FAXC: variants seen among roughly 807,000 people sequenced by gnomAD.
The protein encoded by FAXC is failed axon connections homolog.
Under a neutral mutation model 41.9 loss-of-function variants are expected in FAXC, and 10 were observed. The observed-to-expected ratio is 0.24, with a 90% CI of 0.15 to 0.41. The LOEUF (loss-of-function observed/expected upper bound fraction) is 0.41. Among genes scored for constraint, FAXC ranks in the 10% least tolerant of loss-of-function variants. FAXC has a pLI of 1.00. For missense variants in FAXC, 399 were observed against 510.9 expected, an observed-to-expected ratio of 0.78 and a Z score of 2.11; for synonymous variants, 183 against 183.8, an observed-to-expected ratio of 1.00 and a Z score of 0.03.
At chr6:99,347,230 T>C (rs760511476) in intron 1 of FAXC, among the ~76,000 whole-genome samples, 1 of 151,912 alleles carries the variant, frequency 6.6e-6, no homozygotes, top group Non-Finnish European at 1.5e-5. Flanking sequence ...GGTGAAACCC[T>C]ATCTCTACTA....
Position 99,291,089 on chromosome 6 carries a change from C to T in FAXC, c.940+615G>A, listed in dbSNP as rs565381279. On this transcript the variant is annotated intron_variant, in intron 5 of 5. Coordinates refer to ENST00000389677, the MANE Select transcript of FAXC (RefSeq NM_032511.4). ...CCTCCCAAAGTGCTGGGATTACAGA[C>T]GTGAGCCACTGCATCCGGCTGCTCT... Among the ~76,000 whole-genome samples the T allele has an allele frequency of 5.9e-5, 9 of 152,298 alleles. No individual in the cohort carries two copies. The East Asian group carries it at 1.7e-3, about 29-fold the overall frequency.
chr6:99,314,515 A>G (rs1237739844), intron 4 of FAXC, among the ~76,000 whole-genome samples: 1 of 152,202 alleles, frequency 6.6e-6, no homozygotes, highest in Admixed American at 6.5e-5. Context: ...TCAAGGCTTC[A>G]GTGAGCTATG....
At chr6:99,290,596 G>C (rs1284225668) in intron 5 of FAXC, among the ~76,000 whole-genome samples, 1 of 151,620 alleles carries the variant, frequency 6.6e-6, no homozygotes, top group Non-Finnish European at 1.5e-5. Context: ...CAGCTACTCA[G>C]GAGGCTGAGG....
rs1437641946 is a variant in FAXC, at chr6:99,280,767, T to C, written c.*397A>G. Reference sequence around the variant, plus strand: ...ACATTTTTCTGATGATATCTCTCATTACTTCAAATCCTGGTGGAGGAAGGA... The same window carrying C: ...ACATTTTTCTGATGATATCTCTCATCACTTCAAATCCTGGTGGAGGAAGGA... On this transcript the variant is annotated 3_prime_UTR_variant, in exon 6 of 6. Transcript: ENST00000389677. 5.2e-6 allele frequency: 1 copy of C among 192,172 alleles called. No individual in the cohort carries two copies. The highest frequency in any genetic ancestry group is 1.1e-5 in the Non-Finnish European group (1 of 91,914). 11.9% of individuals were successfully genotyped at this position (192,172 alleles called of 1,614,324 possible).
At position 99,273,892 on chromosome 6, in the gene FAXC, T is replaced by C. The variant is rs1770503160; in HGVS notation, c.*7272A>G. On this transcript the variant is annotated 3_prime_UTR_variant, in exon 6 of 6. Coordinates refer to ENST00000389677, the MANE Select transcript of FAXC (RefSeq NM_032511.4). ...ATATAGCAGTGTATACATATATACA[T>C]ATATATCATAAATAAATACATGGAG... The C allele has an allele frequency of 6.6e-6, 1 of 152,130 alleles. No homozygotes were observed. Among genetic ancestry groups the C allele is most frequent in the Non-Finnish European group, 1.5e-5 (1 of 68,024 alleles). 9.4% of individuals were successfully genotyped at this position (152,130 alleles called of 1,614,324 possible).
At chr6:99,340,035 TATTAAG>T (rs1407019539) in intron 2 of FAXC, among the ~76,000 whole-genome samples, 5 of 152,158 alleles carry the variant, frequency 3.3e-5, no homozygotes, top group Non-Finnish European at 7.3e-5. Context: ...AACTTGAGAA[TATTAAG>T]ATTAAATACA....
chr6:99,290,566 G>A (rs1226050657), intron 5 of FAXC, among the ~76,000 whole-genome samples: 10 of 151,588 alleles, frequency 6.6e-5, no homozygotes, highest in Admixed American at 2.0e-4. Flanking sequence ...GCCGGGCATG[G>A]TGTTGCACTC....
intron 4 of FAXC, among the ~76,000 whole-genome samples, chr6:99,300,577 T>A (rs1245751454): frequency 6.6e-6 from 1 of 152,228 alleles, no homozygotes; most frequent in Non-Finnish European, 1.5e-5. Flanking sequence ...TCAGCTGAAA[T>A]GGTGAGATTT....
At chr6:99,321,506 A>G (rs1010200505) in intron 4 of FAXC, among the ~76,000 whole-genome samples, 1 of 152,168 alleles carries the variant, frequency 6.6e-6, no homozygotes, top group Non-Finnish European at 1.5e-5. Context: ...CAAATATAGA[A>G]AAAGTGCTTC....
At chr6:99,286,441 G>T (rs1012717745) in intron 5 of FAXC, among the ~76,000 whole-genome samples, 1 of 152,148 alleles carries the variant, frequency 6.6e-6, no homozygotes, top group Admixed American at 6.5e-5. Context: ...ATATTTACAT[G>T]CTGGTCAAGG....
chr6:99,318,146 C>T (rs1772434933), intron 4 of FAXC, among the ~76,000 whole-genome samples: 1 of 151,884 alleles, frequency 6.6e-6, no homozygotes, highest in Admixed American at 6.6e-5. Context: ...TTAGTCCCAG[C>T]TACTCGGGAG....
chr6:99,341,818 A>G (rs1297233286), intron 2 of FAXC, among the ~76,000 whole-genome samples: 1 of 152,242 alleles, frequency 6.6e-6, no homozygotes. Flanking sequence ...TAAAAAAGTA[A>G]CTACAAACCA....
chr6:99,332,167 A>G (rs1447073508), intron 3 of FAXC, among the ~76,000 whole-genome samples: 3 of 152,150 alleles, frequency 2.0e-5, no homozygotes, highest in Non-Finnish European at 4.4e-5. Flanking sequence ...AAAAAGAGAA[A>G]AAGAAGAGGG....
intron 4 of FAXC, among the ~76,000 whole-genome samples, chr6:99,307,351 A>G (rs1342513805): frequency 6.6e-6 from 1 of 152,216 alleles, no homozygotes; most frequent in Non-Finnish European, 1.5e-5. Flanking sequence ...AGTTAAAGAC[A>G]GGAAAGATAA....
At chr6:99,317,248 G>A (rs1360027291) in intron 4 of FAXC, among the ~76,000 whole-genome samples, 1 of 151,988 alleles carries the variant, frequency 6.6e-6, no homozygotes, top group East Asian at 1.9e-4. Context: ...CCCAAAAAGA[G>A]ATCATTTCTC....
At chr6:99,326,317 T>C (rs1582670980) in intron 3 of FAXC, among the ~76,000 whole-genome samples, 1 of 152,048 alleles carries the variant, frequency 6.6e-6, no homozygotes, top group Admixed American at 6.5e-5. Flanking sequence ...AAGGAATCCA[T>C]AGGAGAAACA....
chr6:99,312,616 C>T (rs1044390590), intron 4 of FAXC, among the ~76,000 whole-genome samples: 2 of 151,898 alleles, frequency 1.3e-5, no homozygotes, highest in Non-Finnish European at 2.9e-5. Context: ...GAGCAAGCGC[C>T]TACAGCAGCT....
chr6:99,298,032 GT>G (rs1318948129), intron 4 of FAXC, among the ~76,000 whole-genome samples: 2 of 152,162 alleles, frequency 1.3e-5, no homozygotes, highest in Admixed American at 1.3e-4. Context: ...TAGAGAACCT[GT>G]GTTTAACAAG....
At chr6:99,339,243 T>C (rs1172559163) in intron 2 of FAXC, among the ~76,000 whole-genome samples, 1 of 152,228 alleles carries the variant, frequency 6.6e-6, no homozygotes, top group African/African-American at 2.4e-5. Context: ...CTCCCAGTGT[T>C]GGTGCTTTAT....
Sources: gnomAD v4.1 joint callset for allele counts (sites outside exome capture counted in the v4.1 genomes callset) on GRCh38, gnomAD v4.1.1 for gene constraint, MANE v1.5 for transcripts, NCBI Gene and HGNC (gene_info 2026-07-23, HGNC 2026-07-21) for gene names.